B9D1: variants seen among roughly 807,000 people sequenced by gnomAD.
B9D1 encodes B9 domain containing 1.
B9D1 carries 20 observed loss-of-function variants against 26.1 expected under a neutral mutation model. The observed-to-expected ratio is 0.77, with a 90% CI of 0.54 to 1.12. B9D1 has a LOEUF of 1.12. Ranked by LOEUF, B9D1 falls within the 50% of genes most tolerant of loss-of-function variation. The pLI, the probability that B9D1 is intolerant of heterozygous loss-of-function variation, is 0.00. For missense variants in B9D1, 260 were observed against 273.7 expected (o/e 0.95, Z 0.35); for synonymous variants, 105 against 103.1 (o/e 1.02, Z -0.11).
chr17:19,365,786 GGTT>G (rs1412154813), upstream of B9D1, among the ~76,000 whole-genome samples: 6 of 152,090 alleles, frequency 3.9e-5, no homozygotes, highest in African/African-American at 1.2e-4. This position sits in a 1 kb window ranked among gnomAD's most constrained non-coding sequence, Gnocchi z 5.0. Flanking sequence ...ACACCCAGGG[GGTT>G]GTTGTGAGGA....
intron 1 of B9D1, chr17:19,371,495 G>C (rs1048523593): frequency 7.2e-5 from 11 of 152,234 alleles, no homozygotes; most frequent in African/African-American, 2.7e-4. Context: ...GGCTCAGAGA[G>C]GGCCGAGACT....
chr17:19,353,136 T>G (rs9912748), intron 3 of B9D1, among the ~76,000 whole-genome samples: 4 of 150,522 alleles, frequency 2.7e-5, no homozygotes, highest in African/African-American at 9.8e-5. Flanking sequence ...CCACCACACC[T>G]GGCTAATTTT....
chr17:19,360,233 T>G (rs761150089), intron 2 of B9D1, 87 bp downstream of exon 2: 9 of 1,274,284 alleles, frequency 7.1e-6, no homozygotes, highest in Non-Finnish European at 1.0e-5. Flanking sequence ...TCTTAACTTG[T>G]TCTGAATGGG....
intron 1 of B9D1, among the ~76,000 whole-genome samples, chr17:19,374,612 G>C (rs1467119707): frequency 6.6e-6 from 1 of 152,162 alleles, no homozygotes; most frequent in Non-Finnish European, 1.5e-5. Flanking sequence ...AGCATTGTTT[G>C]CAATAGTGAA....
rs1909011289 is a variant in B9D1 at position 19,347,644 on chromosome 17, A to AC, written c.341+139dup. 1 of 848,348 alleles carries AC rather than the reference A, an allele frequency of 1.2e-6. No individual in the cohort carries two copies. Among genetic ancestry groups the AC allele is most frequent in the Non-Finnish European group, 1.9e-6 (1 of 518,614 alleles). The allele number at this position is 848,348 out of a possible 1,614,324, so 52.6% of individuals were successfully genotyped here. A position where few individuals can be genotyped will look rare whatever the true frequency, so the allele number is the denominator to read the frequency against. On this transcript the variant is annotated intron_variant, in intron 4 of 6. Coordinates refer to ENST00000261499, the MANE Select transcript of B9D1 (RefSeq NM_015681.6). This position sits in a 1 kb window ranked among gnomAD's most constrained non-coding sequence, Gnocchi z 4.3. The stretch of plus-strand genomic sequence containing the variant: ...GTTCTCCTCCCAAATACAGGCTACA[A>AC]CCCCCCTGGCCACCAGGCTGAGCTG...
At chr17:19,362,752 A>C, upstream of B9D1, 76 of 1,195,614 alleles carry the variant, frequency 6.4e-5, no homozygotes, top group East Asian at 2.8e-4. Flanking sequence ...CGCCGTTATA[A>C]GGGGGCGGGG....
At chr17:19,344,797 C>T (rs59370859) in intron 5 of B9D1, among the ~76,000 whole-genome samples, 2,092 of 152,360 alleles carry the variant, frequency 0.014, 52 homozygotes, top group African/African-American at 0.047. Context: ...TCTCAGCTGC[C>T]GCAGAGTTGG....
chr17:19,347,078 T>C lies in B9D1; in HGVS notation c.404+191A>G. On this transcript the variant is annotated intron_variant, in intron 5 of 6. Transcript: ENST00000261499. This position sits in a 1 kb window ranked among gnomAD's most constrained non-coding sequence, Gnocchi z 4.3. Reference sequence around the variant, plus strand: ...GGCACAGGGTAAAATCGCCCGGCCTTCTGCTGCTGGAACAGGGCTGAAGGG... The same window carrying C: ...GGCACAGGGTAAAATCGCCCGGCCTCCTGCTGCTGGAACAGGGCTGAAGGG... 6.4e-7 allele frequency: 1 copy of C among 1,554,194 alleles called. No homozygotes were observed. Among genetic ancestry groups the C allele is most frequent in the Non-Finnish European group, 8.7e-7 (1 of 1,148,878 alleles).
At chr17:19,341,003 C>G (rs534918277), downstream of B9D1, 1 of 501,172 alleles carries the variant, frequency 2.0e-6, no homozygotes, top group Non-Finnish European at 2.9e-6. Flanking sequence ...TGTGAATATA[C>G]AAGTACGGAA....
At chr17:19,373,554 G>A (rs771569175) in intron 1 of B9D1, among the ~76,000 whole-genome samples, 2 of 152,104 alleles carry the variant, frequency 1.3e-5, no homozygotes, top group Non-Finnish European at 2.9e-5. Context: ...AACATGCCCA[G>A]CTAATTTTTG....
At chr17:19,337,727 TGACA>T (rs1387649209), downstream of B9D1, 19 of 1,534,984 alleles carry the variant, frequency 1.2e-5, no homozygotes, top group South Asian at 2.4e-5. Flanking sequence ...CTGCTATCTT[TGACA>T]GACAGCCCTG....
upstream of B9D1, among the ~76,000 whole-genome samples, chr17:19,366,785 A>G (rs1017278650): frequency 2.0e-5 from 3 of 152,134 alleles, no homozygotes; most frequent in Non-Finnish European, 4.4e-5. Context: ...AATTTCACAA[A>G]TGGTGCAAAG....
intron 5 of B9D1, among the ~76,000 whole-genome samples, chr17:19,346,112 G>A (rs1296021185): frequency 6.6e-6 from 1 of 152,220 alleles, no homozygotes; most frequent in Non-Finnish European, 1.5e-5. Context: ...CAGTCTCTTA[G>A]GCTTTCCCAA....
rs1445329033 is a variant in B9D1, at chr17:19,347,180, A to C, written c.404+89T>G. 1.2e-6 allele frequency: 2 copies of C among 1,613,862 alleles called. No individual in the cohort carries two copies. The highest frequency in any genetic ancestry group is 1.7e-5 in the Admixed American group (1 of 59,980). On this transcript the variant is annotated intron_variant, in intron 5 of 6. Coordinates refer to ENST00000261499, the MANE Select transcript of B9D1 (RefSeq NM_015681.6). The surrounding 1 kb of genome is among the most constrained non-coding windows in gnomAD (Gnocchi z 4.3). ...GGTGGAGCAGCTTGCAGATCTGAGG[A>C]GGCGACCAGGCACAAACTGAGGGGT...
At chr17:19,341,948 G>A (rs1024282291), downstream of B9D1, among the ~76,000 whole-genome samples, 1 of 152,148 alleles carries the variant, frequency 6.6e-6, no homozygotes, top group African/African-American at 2.4e-5. Flanking sequence ...ACAGGGAAGC[G>A]CCACATGAGG....
chr17:19,373,930 T>C (rs1912000595), intron 1 of B9D1, among the ~76,000 whole-genome samples: 1 of 152,228 alleles, frequency 6.6e-6, no homozygotes, highest in Non-Finnish European at 1.5e-5. Flanking sequence ...GGCATTTGTC[T>C]ACTCAAAAAT....
At chr17:19,335,397 T>G, downstream of B9D1, 1 of 1,548,302 alleles carries the variant, frequency 6.5e-7, no homozygotes, top group Non-Finnish European at 8.7e-7. Context: ...TCCTTTTTTT[T>G]ATTAAAGGCA....
At position 19,347,101 on chromosome 17, in the gene B9D1, G is replaced by A. The variant is rs1908915243; in HGVS notation, c.404+168C>T. The A allele has an allele frequency of 1.3e-6, 2 of 1,565,656 alleles. No homozygotes were observed. ...CTTCTGCTGCTGGAACAGGGCTGAA[G>A]GGAGCCCCGTGACTCAGCACTCCCA... On this transcript the variant is annotated intron_variant, in intron 5 of 6. Transcript: ENST00000261499. The surrounding 1 kb of genome is among the most constrained non-coding windows in gnomAD (Gnocchi z 4.3).
downstream of B9D1, chr17:19,335,546 C>A: frequency 6.8e-7 from 1 of 1,464,308 alleles, no homozygotes; most frequent in African/African-American, 1.4e-5. Context: ...TGGCAGTTGT[C>A]CCGAGGGCGT....
Sources: allele counts gnomAD v4.1 joint callset (sites outside exome capture counted in the v4.1 genomes callset), GRCh38; gene constraint gnomAD v4.1.1; non-coding constraint Gnocchi (gnomAD v3.1); transcripts MANE v1.5; gene names NCBI Gene and HGNC (gene_info 2026-07-23, HGNC 2026-07-21).